The following PLEKHA7 variants were observed in gnomAD, a reference collection of about 807,000 sequenced individuals.
PLEKHA7 encodes pleckstrin homology domain-containing family A member 7.
A neutral mutation model predicts 170.0 loss-of-function variants in PLEKHA7; 104 were observed. That is an observed-to-expected ratio of 0.61 (90% confidence interval 0.52 to 0.72). PLEKHA7 has a LOEUF of 0.72. Among genes scored for constraint, PLEKHA7 ranks in the 30% least tolerant of loss-of-function variants. The pLI is 0.00. For missense variants in PLEKHA7, 1,615 were observed against 1,671.7 expected, an observed-to-expected ratio of 0.97 and a Z score of 0.59; for synonymous variants, 648 against 660.8, an observed-to-expected ratio of 0.98 and a Z score of 0.30.
At chr11:16,839,494 T>C (rs934588302) in intron 9 of PLEKHA7, among the ~76,000 whole-genome samples, 3 of 150,778 alleles carry the variant, frequency 2.0e-5, no homozygotes, top group Admixed American at 6.6e-5. Flanking sequence ...CACACAGACA[T>C]ATATACATAG....
chr11:16,977,840 C>T (rs1482688525), intron 3 of PLEKHA7, among the ~76,000 whole-genome samples: 1 of 152,176 alleles, frequency 6.6e-6, no homozygotes, highest in African/African-American at 2.4e-5. Flanking sequence ...TATTCAACCT[C>T]TCTGAGCCTT....
At chr11:16,874,527 T>C (rs979716241) in intron 3 of PLEKHA7, among the ~76,000 whole-genome samples, 4 of 152,032 alleles carry the variant, frequency 2.6e-5, no homozygotes, top group South Asian at 2.1e-4. Context: ...AACAAAAAAG[T>C]GATAAGACTG....
chr11:16,801,217 G>A, intron 16 of PLEKHA7, 142 bp from the exon 17 acceptor site: 1 of 730,264 alleles, frequency 1.4e-6, no homozygotes, highest in East Asian at 2.5e-5. Context: ...GAGAGAGAGA[G>A]GAGCAGGAAA....
intron 10 of PLEKHA7, among the ~76,000 whole-genome samples, chr11:16,819,689 C>G (rs1850061720): frequency 6.6e-6 from 1 of 152,176 alleles, no homozygotes; most frequent in African/African-American, 2.4e-5. Context: ...TGAAATAAGC[C>G]AGGCATGGAA....
At chr11:16,913,531 A>G (rs972347429) in intron 3 of PLEKHA7, among the ~76,000 whole-genome samples, 4 of 152,230 alleles carry the variant, frequency 2.6e-5, no homozygotes, top group African/African-American at 9.6e-5. Context: ...GAGGTGAACA[A>G]GGCTGCCTGC....
At chr11:16,944,350 G>A (rs1227384851) in intron 3 of PLEKHA7, among the ~76,000 whole-genome samples, 8 of 149,204 alleles carry the variant, frequency 5.4e-5, no homozygotes, top group Non-Finnish European at 8.9e-5. Flanking sequence ...GCAAAACTCC[G>A]TCTCCCAAAA....
chr11:16,871,992 T>A (rs553072226), intron 3 of PLEKHA7, among the ~76,000 whole-genome samples: 2,145 of 109,334 alleles, frequency 0.02, 20 homozygotes, highest in Middle Eastern at 0.023. Flanking sequence ...TTTTTTTTTT[T>A]AAGACAGTCT....
intron 3 of PLEKHA7, among the ~76,000 whole-genome samples, chr11:16,923,014 C>T (rs1859211162): frequency 6.6e-6 from 1 of 152,154 alleles, no homozygotes; most frequent in African/African-American, 2.4e-5. Flanking sequence ...CCATAGTGAC[C>T]ATGACATCCT....
At chr11:16,888,548 A>T (rs1239715524) in intron 3 of PLEKHA7, among the ~76,000 whole-genome samples, 1 of 152,414 alleles carries the variant, frequency 6.6e-6, no homozygotes, top group East Asian at 1.9e-4. Context: ...CTTACCCCCA[A>T]CCCCGTGCTC....
chr11:16,948,466 C>T (rs1861189619), intron 3 of PLEKHA7, among the ~76,000 whole-genome samples: 1 of 152,074 alleles, frequency 6.6e-6, no homozygotes, highest in African/African-American at 2.4e-5. Flanking sequence ...ATCAGAATGT[C>T]CTCCATTGCC....
At chr11:16,922,333 T>A (rs1448685115) in intron 3 of PLEKHA7, among the ~76,000 whole-genome samples, 1 of 152,176 alleles carries the variant, frequency 6.6e-6, no homozygotes, top group African/African-American at 2.4e-5. Flanking sequence ...CTCACAATTG[T>A]CCTGAGGATG....
At chr11:16,902,415 C>G (rs775574304) in intron 3 of PLEKHA7, among the ~76,000 whole-genome samples, 6 of 152,212 alleles carry the variant, frequency 3.9e-5, no homozygotes, top group Non-Finnish European at 7.3e-5. Context: ...TGAGAACGTG[C>G]AGCTGGCTTC....
Position 16,957,697 on chromosome 11 carries a change from C to CTTTTTTTTTTCTTT in PLEKHA7, c.221+56291_221+56292insAAAGAAAAAAAAAA, listed in dbSNP as rs58942054. Reference sequence around the variant, plus strand: ...TGAATTTTACCTCAATAATTTTTTTCTTTTTTTTTTTTTTTTTTTTTTTTG... The same window carrying CTTTTTTTTTTCTTT: ...TGAATTTTACCTCAATAATTTTTTTCTTTTTTTTTTCTTTTTTTTTTTTTTTTTTTTTTTTTTTG... On this transcript the variant is annotated intron_variant, in intron 3 of 26. Coordinates refer to ENST00000531066, the MANE Select transcript of PLEKHA7 (RefSeq NM_001329630.2). 6.1e-3 allele frequency among the ~76,000 whole-genome samples: 529 copies of CTTTTTTTTTTCTTT among 87,344 alleles called. 10 individuals carry two copies. The highest frequency in any genetic ancestry group is 0.026 in the African/African-American group (513 of 19,834). 57.3% of individuals were successfully genotyped at this position (87,344 alleles called of 152,430 possible).
intron 9 of PLEKHA7, among the ~76,000 whole-genome samples, chr11:16,834,262 T>C (rs1286028315): frequency 6.6e-6 from 1 of 152,128 alleles, no homozygotes; most frequent in Non-Finnish European, 1.5e-5. Flanking sequence ...TGCCTAGGCC[T>C]CCCAAAGTGC....
At chr11:16,840,476 C>T (rs1352467927) in intron 9 of PLEKHA7, among the ~76,000 whole-genome samples, 1 of 152,162 alleles carries the variant, frequency 6.6e-6, no homozygotes, top group Non-Finnish European at 1.5e-5. Flanking sequence ...AGGAGAATCG[C>T]TTGAATCCAG....
intron 3 of PLEKHA7, among the ~76,000 whole-genome samples, chr11:16,950,871 G>T (rs1251944296): frequency 6.6e-6 from 1 of 152,062 alleles, no homozygotes; most frequent in Admixed American, 6.5e-5. Flanking sequence ...CCTCGTTCAT[G>T]TTTCCCCAGC....
chr11:16,813,668 C>T lies in PLEKHA7; in HGVS notation c.1954-502G>A, dbSNP rs16933472. ...CTGGGTGACCCAGGAGGTCCCAATA[C>T]GACCTTGGTTTCCAGAATGATAACC... On this transcript the variant is annotated intron_variant, in intron 12 of 26. Coordinates refer to ENST00000531066, the MANE Select transcript of PLEKHA7 (RefSeq NM_001329630.2). Among the ~76,000 whole-genome samples, 847 of 152,238 alleles carry T rather than the reference C, an allele frequency of 5.6e-3. 20 individuals carry two copies. The highest frequency in any genetic ancestry group is 0.019 in the African/African-American group (799 of 41,542).
At chr11:16,792,032 G>A (rs980889740) in intron 19 of PLEKHA7, among the ~76,000 whole-genome samples, 5 of 152,220 alleles carry the variant, frequency 3.3e-5, no homozygotes, top group Admixed American at 3.3e-4. Context: ...TTCAGGAAAG[G>A]GCACTCCAAG....
intron 3 of PLEKHA7, among the ~76,000 whole-genome samples, chr11:16,873,477 T>TG (rs1364512110): frequency 3.9e-5 from 6 of 152,166 alleles, no homozygotes; most frequent in Non-Finnish European, 5.9e-5. Context: ...CTGAATTCCC[T>TG]GCTCCTGGTC....
Sources: allele counts gnomAD v4.1 joint callset (sites outside exome capture counted in the v4.1 genomes callset), GRCh38; gene constraint gnomAD v4.1.1; transcripts MANE v1.5; gene names NCBI Gene and HGNC (gene_info 2026-07-23, HGNC 2026-07-21).